Variants in DVL3 observed in about 807,000 individuals in gnomAD.
DVL3 encodes dishevelled segment polarity protein 3.
In DVL3, 27 loss-of-function variants were observed where a neutral mutation model predicts 67.4. The observed-to-expected ratio is 0.40, with a 90% CI of 0.30 to 0.55. The LOEUF (loss-of-function observed/expected upper bound fraction) is 0.55, where lower values mean the gene tolerates loss of function less well. Ranked by LOEUF, DVL3 falls within the 20% of genes least tolerant of loss-of-function variation. The pLI is 0.46. For synonymous variants in DVL3, 369 were observed against 396.8 expected (o/e 0.93, Z 0.83); for missense variants, 819 against 1,021.5 (o/e 0.80, Z 2.70).
At position 184,166,684 on chromosome 3, in the gene DVL3, G is replaced by T; in HGVS notation, c.1048+11G>T. On this transcript the variant is annotated intron_variant, in intron 10 of 14. Transcript: ENST00000313143. The surrounding 1 kb of genome is among the most constrained non-coding windows in gnomAD (Gnocchi z 6.7). The stretch of plus-strand genomic sequence containing the variant: ...TCACATTGCCCAGGAGTAAGTGGAT[G>T]GGAGACTCAGTCCTAAAGCTGGTGC... 1 of 1,613,720 alleles carries T rather than the reference G, an allele frequency of 6.2e-7. No individual in the cohort carries two copies. The highest frequency in any genetic ancestry group is 8.5e-7 in the Non-Finnish European group (1 of 1,179,804).
chr3:184,155,779 T>G lies in DVL3; in HGVS notation c.144T>G (p.Ser48=). 6.2e-7 allele frequency: 1 copy of G among 1,611,060 alleles called. No homozygotes were observed. Among genetic ancestry groups the G allele is most frequent in the Non-Finnish European group, 8.5e-7 (1 of 1,178,906 alleles). ...QRPSYKFFFK[S]MDDDFGVVKE... is the part of the protein sequence containing the mutation. ...CCAGCTATAAGTTCTTCTTCAAGTC[T>G]ATGGACGACGATTTCGGGTGAGGAT... Residue 48 remains serine, a synonymous_variant, in exon 1 of 15, where the codon TCT becomes TCG. Transcript: ENST00000313143. This position sits in a 1 kb window ranked among gnomAD's most constrained non-coding sequence, Gnocchi z 5.4.
Position 184,170,824 on chromosome 3 carries a change from G to A in DVL3, c.*69G>A. 6.3e-7 allele frequency: 1 copy of A among 1,587,474 alleles called. No homozygotes were observed. The highest frequency in any genetic ancestry group is 8.6e-7 in the Non-Finnish European group (1 of 1,167,422). On this transcript the variant is annotated 3_prime_UTR_variant, in exon 15 of 15. Coordinates refer to ENST00000313143, the MANE Select transcript of DVL3 (RefSeq NM_004423.4). This position sits in a 1 kb window ranked among gnomAD's most constrained non-coding sequence, Gnocchi z 6.5. ...GCTGCGTTCCTCTCTCCATCCGTCC[G>A]TCTTTTTTACTTTGTCTGGTACCTG...
Position 184,164,189 on chromosome 3 carries a change from A to G in DVL3, c.232-78A>G. The G allele has an allele frequency of 3.9e-6, 6 of 1,534,446 alleles. No homozygotes were observed. The highest frequency in any genetic ancestry group is 1.2e-5 in the South Asian group (1 of 83,504). On this transcript the variant is annotated intron_variant, in intron 2 of 14. Transcript: ENST00000313143. The surrounding 1 kb of genome is among the most constrained non-coding windows in gnomAD (Gnocchi z 5.3). ...CCTGCTTCCTTCCTCTTAGGCCTTC[A>G]TGCCTTGCTGGAAGTGAACTATCCC...
chr3:184,166,712 A>G lies in DVL3; in HGVS notation c.1048+39A>G. The G allele has an allele frequency of 5.6e-6, 9 of 1,612,638 alleles. No individual in the cohort carries two copies. The highest frequency in any genetic ancestry group is 6.8e-6 in the Non-Finnish European group (8 of 1,179,222). On this transcript the variant is annotated intron_variant, in intron 10 of 14. Transcript: ENST00000313143. This position sits in a 1 kb window ranked among gnomAD's most constrained non-coding sequence, Gnocchi z 6.7. ...AGACTCAGTCCTAAAGCTGGTGCTT[A>G]CATACATGAGCACTGTCTCTCCTTT...
chr3:184,161,613 A>G (rs1395668294), intron 1 of DVL3, among the ~76,000 whole-genome samples: 1 of 151,980 alleles, frequency 6.6e-6, no homozygotes. Flanking sequence ...TCCTAGCCCC[A>G]AACTGTAGTT....
Position 184,165,609 on chromosome 3 carries a change from T to C in DVL3, c.763+118T>C. 2 of 826,142 alleles carry C rather than the reference T, an allele frequency of 2.4e-6. No individual in the cohort carries two copies. Among genetic ancestry groups the C allele is most frequent in the Non-Finnish European group, 4.0e-6 (2 of 496,686 alleles). The allele number at this position is 826,142 out of a possible 1,614,324, so 51.2% of individuals were successfully genotyped here. A position where few individuals can be genotyped will look rare whatever the true frequency, so the allele number is the denominator to read the frequency against. On this transcript the variant is annotated intron_variant, in intron 7 of 14. Transcript: ENST00000313143. This position sits in a 1 kb window ranked among gnomAD's most constrained non-coding sequence, Gnocchi z 4.1. ...CTCAAGGAGCTCTCTTTCGTAAACA[T>C]CAGCTGATACATAAACTGATCATTT... is the stretch of plus-strand genomic sequence containing the variant.
chr3:184,167,790 T>C lies in DVL3; in HGVS notation c.1330+79T>C. ...CAGGCCGGAGGGCCCAGGACTTGCC[T>C]TGGACCCTTCCTTTGATCTGGAGCC... On this transcript the variant is annotated intron_variant, in intron 12 of 14. Transcript: ENST00000313143. This position sits in a 1 kb window ranked among gnomAD's most constrained non-coding sequence, Gnocchi z 4.6. 1.3e-5 allele frequency: 20 copies of C among 1,594,424 alleles called. No homozygotes were observed. The highest frequency in any genetic ancestry group is 1.5e-5 in the Non-Finnish European group (17 of 1,169,912).
At position 184,164,479 on chromosome 3, in the gene DVL3, C is replaced by T. The variant is rs751192253; in HGVS notation, c.354-13C>T. On this transcript the variant is annotated splice_polypyrimidine_tract_variant and intron_variant, in intron 3 of 14. Transcript: ENST00000313143. This position sits in a 1 kb window ranked among gnomAD's most constrained non-coding sequence, Gnocchi z 5.3. ...CAGCCTGCCCCCTCCCCCATCAAGT[C>T]TCTTCCCTGCAGCCCTCATGCTGGT... 6.2e-7 allele frequency: 1 copy of T among 1,601,062 alleles called. No homozygotes were observed. The highest frequency in any genetic ancestry group is 1.7e-5 in the Admixed American group (1 of 57,690).
At chr3:184,158,896 C>T (rs1026453176) in intron 1 of DVL3, among the ~76,000 whole-genome samples, 1 of 151,792 alleles carries the variant, frequency 6.6e-6, no homozygotes, top group African/African-American at 2.4e-5. Flanking sequence ...CTGCCTCAGC[C>T]TCCCAAGTAG....
chr3:184,167,737 A>G lies in DVL3; in HGVS notation c.1330+26A>G, dbSNP rs1577050844. ...GTGAGAGAGCCCCATGGTGGGATGCAGGGTGGGTGGGGAGTGATGGGGCAG... is the reference window on the plus strand; with the variant it reads ...GTGAGAGAGCCCCATGGTGGGATGCGGGGTGGGTGGGGAGTGATGGGGCAG... On this transcript the variant is annotated intron_variant, in intron 12 of 14. Coordinates refer to ENST00000313143, the MANE Select transcript of DVL3 (RefSeq NM_004423.4). The surrounding 1 kb of genome is among the most constrained non-coding windows in gnomAD (Gnocchi z 4.6). 3.3e-6 allele frequency: 3 copies of G among 905,554 alleles called. No homozygotes were observed. Among genetic ancestry groups the G allele is most frequent in the East Asian group, 4.0e-5 (1 of 25,310 alleles). 56.1% of individuals were successfully genotyped at this position (905,554 alleles called of 1,614,324 possible).
rs1714484549 is a variant in DVL3 at position 184,164,323 on chromosome 3, A to T, written c.288A>T (p.Pro96=). 1.2e-6 allele frequency: 2 copies of T among 1,613,840 alleles called. No individual in the cohort carries two copies. Among genetic ancestry groups the T allele is most frequent in the Non-Finnish European group, 1.7e-6 (2 of 1,179,976 alleles). ...PDPAPFCADN[P]SELPPPMERT... is the part of the protein sequence containing the mutation. ...CAGCCCCCTTCTGTGCTGATAACCCATCGGAGCTGCCACCACCTATGGAGC... is the reference window on the plus strand; with the variant it reads ...CAGCCCCCTTCTGTGCTGATAACCCTTCGGAGCTGCCACCACCTATGGAGC... The change falls in exon 3 of 15, where the codon CCA becomes CCT. Residue 96 remains proline, a synonymous_variant. Coordinates refer to ENST00000313143, the MANE Select transcript of DVL3 (RefSeq NM_004423.4). This position sits in a 1 kb window ranked among gnomAD's most constrained non-coding sequence, Gnocchi z 5.3.
Position 184,155,904 on chromosome 3 carries a change from C to A in DVL3, c.161+108C>A. ...CGCTACACCGGCTCCTAGCCCCGCT[C>A]TGACTTCTAGGGGCGACTCGGCCCA... On this transcript the variant is annotated intron_variant, in intron 1 of 14. Coordinates refer to ENST00000313143, the MANE Select transcript of DVL3 (RefSeq NM_004423.4). The surrounding 1 kb of genome is among the most constrained non-coding windows in gnomAD (Gnocchi z 5.4). The A allele has an allele frequency of 1.5e-6, 2 of 1,374,450 alleles. No individual in the cohort carries two copies. The highest frequency in any genetic ancestry group is 1.4e-5 in the South Asian group (1 of 73,966). 85.1% of individuals were successfully genotyped at this position (1,374,450 alleles called of 1,614,324 possible). A position where few individuals can be genotyped will look rare whatever the true frequency, so the allele number is the denominator to read the frequency against.
Position 184,166,347 on chromosome 3 carries a change from C to A in DVL3, c.903+82C>A. On this transcript the variant is annotated intron_variant, in intron 8 of 14. Coordinates refer to ENST00000313143, the MANE Select transcript of DVL3 (RefSeq NM_004423.4). This position sits in a 1 kb window ranked among gnomAD's most constrained non-coding sequence, Gnocchi z 6.7. ...ATCTGTACCCTGCTCCTTCAGAGGC[C>A]CCTTCTTGGTTGGGGGAAGACTCCC... 1 of 1,607,226 alleles carries A rather than the reference C, an allele frequency of 6.2e-7. No homozygotes were observed. Among genetic ancestry groups the A allele is most frequent in the Non-Finnish European group, 8.5e-7 (1 of 1,175,350 alleles).
At position 184,166,987 on chromosome 3, in the gene DVL3, A is replaced by G. The variant is rs1560119350; in HGVS notation, c.1198+12A>G. ...CCCTGACACAGAGCGTGAGTGTCCC[A>G]CCCTGTCTCCTGGGCCCAGCAGACA... On this transcript the variant is annotated intron_variant, in intron 11 of 14. Coordinates refer to ENST00000313143, the MANE Select transcript of DVL3 (RefSeq NM_004423.4). The surrounding 1 kb of genome is among the most constrained non-coding windows in gnomAD (Gnocchi z 6.7). 3.7e-6 allele frequency: 6 copies of G among 1,613,320 alleles called. No individual in the cohort carries two copies. The highest frequency in any genetic ancestry group is 1.7e-5 in the Admixed American group (1 of 59,990).
intron 13 of DVL3, among the ~76,000 whole-genome samples, chr3:184,169,111 T>G (rs1714706207): frequency 6.6e-6 from 1 of 152,162 alleles, no homozygotes; most frequent in South Asian, 2.1e-4. Flanking sequence ...CCTGCACTCA[T>G]TCTAGGCTTT....
rs1714560855 is a variant in DVL3, at chr3:184,165,769, C to G, written c.763+278C>G. Among the ~76,000 whole-genome samples, 1 of 152,176 alleles carries G rather than the reference C, an allele frequency of 6.6e-6. No individual in the cohort carries two copies. Among genetic ancestry groups the G allele is most frequent in the Non-Finnish European group, 1.5e-5 (1 of 68,034 alleles). On this transcript the variant is annotated intron_variant, in intron 7 of 14. Coordinates refer to ENST00000313143, the MANE Select transcript of DVL3 (RefSeq NM_004423.4). This position sits in a 1 kb window ranked among gnomAD's most constrained non-coding sequence, Gnocchi z 4.1. ...CTTCACATCTCTCAGCCATTGCATCCTTGCTCTCCGATTTCTGCCCTAGGT... is the reference window on the plus strand; with the variant it reads ...CTTCACATCTCTCAGCCATTGCATCGTTGCTCTCCGATTTCTGCCCTAGGT...
Position 184,161,548 on chromosome 3 carries a change from CTG to C in DVL3, c.162-2107_162-2106del, listed in dbSNP as rs572193484. Among the ~76,000 whole-genome samples the C allele has an allele frequency of 9.8e-4, 150 of 152,322 alleles. 2 individuals are homozygous for C. Among genetic ancestry groups the C allele is most frequent in the Non-Finnish European group, 1.8e-3 (125 of 68,030 alleles). On this transcript the variant is annotated intron_variant, in intron 1 of 14. Transcript: ENST00000313143. ...TACCCTTGGTCATGTCTTCCCATCT[CTG>C]TACTCCTGGCATATTTGACAGTCTG...
Position 184,160,106 on chromosome 3 carries a change from A to ATT in DVL3, c.162-3534_162-3533dup, listed in dbSNP as rs772228073. 1.3e-4 allele frequency among the ~76,000 whole-genome samples: 16 copies of ATT among 127,162 alleles called. No individual in the cohort carries two copies. The South Asian group carries it at 1.8e-3, about 14-fold the overall frequency. The allele number at this position is 127,162 out of a possible 152,430, so 83.4% of individuals were successfully genotyped here. A position where few individuals can be genotyped will look rare whatever the true frequency, so the allele number is the denominator to read the frequency against. On this transcript the variant is annotated intron_variant, in intron 1 of 14. Coordinates refer to ENST00000313143, the MANE Select transcript of DVL3 (RefSeq NM_004423.4). ...AGGTGCCCGCCACCACGCCCTGCTA[A>ATT]TTTTTTTTTTTTTTTTTTGGTATTT...
rs984057860 is a variant in DVL3 at position 184,170,836 on chromosome 3, TTGTC to T, written c.*84_*87del. 5.1e-5 allele frequency: 81 copies of T among 1,576,210 alleles called. No homozygotes were observed. Among genetic ancestry groups the T allele is most frequent in the Admixed American group, 1.9e-4 (10 of 53,432 alleles). ...TCTCCATCCGTCCGTCTTTTTTACTTTGTCTGGTACCTGAAAGGGAAATAAAAGG... is the reference window on the plus strand; with the variant it reads ...TCTCCATCCGTCCGTCTTTTTTACTTTGGTACCTGAAAGGGAAATAAAAGG... On this transcript the variant is annotated 3_prime_UTR_variant, in exon 15 of 15. Transcript: ENST00000313143. The surrounding 1 kb of genome is among the most constrained non-coding windows in gnomAD (Gnocchi z 6.5).
Sources: gnomAD v4.1 joint callset for allele counts (sites outside exome capture counted in the v4.1 genomes callset) on GRCh38, gnomAD v4.1.1 for gene constraint, Gnocchi (gnomAD v3.1) non-coding constraint, MANE v1.5 for transcripts, NCBI Gene and HGNC (gene_info 2026-07-23, HGNC 2026-07-21) for gene names.